The following FRMD6 variants were observed in gnomAD, a reference collection of about 807,000 sequenced individuals.
The protein encoded by FRMD6 is FERM domain containing 6.
FRMD6 carries 37 observed loss-of-function variants against 73.2 expected under a neutral mutation model. That is an observed-to-expected ratio of 0.51 (90% CI 0.39 to 0.66). The LOEUF (loss-of-function observed/expected upper bound fraction) is 0.66. FRMD6 is among the 30% of genes least tolerant of loss of function. The pLI is 0.00. For missense variants in FRMD6, 714 were observed against 780.5 expected (o/e 0.91, Z 1.02); for synonymous variants, 273 against 282.2 (o/e 0.97, Z 0.33).
chr14:51,588,915 G>A (rs558974474), intron 2 of FRMD6, among the ~76,000 whole-genome samples: 55 of 152,202 alleles, frequency 3.6e-4, no homozygotes, highest in Admixed American at 7.2e-4. Flanking sequence ...CACGGCTGAT[G>A]CCATGTCACT....
the FRMD6 span, among the ~76,000 whole-genome samples, chr14:51,444,994 C>G: frequency 6.6e-6 from 1 of 152,208 alleles, no homozygotes; most frequent in African/African-American, 2.4e-5. Context: ...TGAAATGCCT[C>G]AGGAGCCTGG....
chr14:51,540,664 C>G (rs532697392), intron 1 of FRMD6, among the ~76,000 whole-genome samples: 1 of 152,118 alleles, frequency 6.6e-6, no homozygotes, highest in East Asian at 1.9e-4. Flanking sequence ...GAGGCTCATC[C>G]TTTTTATCTT....
At chr14:51,444,813 A>G in the FRMD6 span, among the ~76,000 whole-genome samples, 18 of 152,164 alleles carry the variant, frequency 1.2e-4, no homozygotes, top group African/African-American at 3.6e-4. Flanking sequence ...TGTGCTTGAG[A>G]GCTCCTTGTT....
intron 2 of FRMD6, among the ~76,000 whole-genome samples, chr14:51,574,960 T>C (rs1413587029): frequency 6.6e-6 from 1 of 152,210 alleles, no homozygotes; most frequent in Admixed American, 6.5e-5. Context: ...ACACATAGTA[T>C]GTACCCATAA....
intron 1 of FRMD6, among the ~76,000 whole-genome samples, chr14:51,509,816 G>A (rs913587351): frequency 6.6e-6 from 1 of 151,938 alleles, no homozygotes; most frequent in African/African-American, 2.4e-5. Context: ...GGTAGAGATG[G>A]GATTTTGCCA....
At chr14:51,553,333 A>C (rs1338804528) in intron 1 of FRMD6, among the ~76,000 whole-genome samples, 1 of 152,216 alleles carries the variant, frequency 6.6e-6, no homozygotes, top group Middle Eastern at 3.2e-3. Flanking sequence ...ACATAGCTTT[A>C]ATCAGACAGG....
At chr14:51,478,287 A>G in the FRMD6 span, among the ~76,000 whole-genome samples, 1 of 152,244 alleles carries the variant, frequency 6.6e-6, no homozygotes, top group Admixed American at 6.5e-5. Context: ...GGAAAGATAC[A>G]AGATATATTA....
At chr14:51,587,408 C>A (rs1167882674) in intron 2 of FRMD6, among the ~76,000 whole-genome samples, 1 of 152,164 alleles carries the variant, frequency 6.6e-6, no homozygotes, top group Non-Finnish European at 1.5e-5. Flanking sequence ...CTCTTTATGC[C>A]AAGTTTTATT....
At chr14:51,466,078 T>C in the FRMD6 span, among the ~76,000 whole-genome samples, 2 of 152,236 alleles carry the variant, frequency 1.3e-5, no homozygotes. Flanking sequence ...TCTACATGTT[T>C]ATCAGGCACT....
intron 7 of FRMD6, among the ~76,000 whole-genome samples, chr14:51,708,581 T>C (rs1896764476): frequency 6.6e-6 from 1 of 152,230 alleles, no homozygotes; most frequent in South Asian, 2.1e-4. Flanking sequence ...GCAACTTCTT[T>C]GATAAGTAAT....
chr14:51,727,838 G>C lies in FRMD6; in HGVS notation c.1678G>C (p.Gly560Arg). The C allele has an allele frequency of 6.2e-7, 1 of 1,614,216 alleles. No homozygotes were observed. Among genetic ancestry groups the C allele is most frequent in the Admixed American group, 1.7e-5 (1 of 60,030 alleles). ...CCAGAAAGACTTCCTGCGCATTGCA[G>C]GTCTGTGTCAGGACACTGCTCAGAG... ...LYQKDFLRIA[G>R]LCQDTAQSYT... The change falls in exon 14 of 14, where the codon GGT becomes CGT. Residue 560 changes from glycine (G) to arginine (R), a missense_variant. Physicochemically the swap from Gly to Arg is moderately radical, Grantham distance 125. Coordinates refer to ENST00000344768, the MANE Select transcript of FRMD6 (RefSeq NM_001267046.2).
At chr14:51,444,494 G>C in the FRMD6 span, among the ~76,000 whole-genome samples, 1 of 152,174 alleles carries the variant, frequency 6.6e-6, no homozygotes, top group Admixed American at 6.5e-5. Context: ...AGTCTGTAAC[G>C]AATCCATTGT....
the FRMD6 span, among the ~76,000 whole-genome samples, chr14:51,420,549 A>C: frequency 6.6e-6 from 1 of 152,224 alleles, no homozygotes; most frequent in Admixed American, 6.5e-5. Flanking sequence ...TGAGTTCCTC[A>C]TCCATGGATT....
chr14:51,411,965 T>C, the FRMD6 span, among the ~76,000 whole-genome samples: 72 of 152,328 alleles, frequency 4.7e-4, no homozygotes, highest in Non-Finnish European at 9.1e-4. Context: ...AAATATATCA[T>C]TGAAATACTA....
intron 1 of FRMD6, among the ~76,000 whole-genome samples, chr14:51,680,764 A>AT (rs11320636): frequency 2.0e-5 from 3 of 151,728 alleles, no homozygotes; most frequent in Non-Finnish European, 4.4e-5. Flanking sequence ...TATTGATGTT[A>AT]TTTTTTTATA....
At chr14:51,494,063 G>A (rs1180299300) in intron 1 of FRMD6, among the ~76,000 whole-genome samples, 1 of 152,096 alleles carries the variant, frequency 6.6e-6, no homozygotes, top group East Asian at 1.9e-4. Context: ...GGATTCATAA[G>A]GATTTCAACC....
upstream of FRMD6, chr14:51,651,749 C>T (rs968806201): frequency 2.1e-5 from 3 of 145,772 alleles, no homozygotes; most frequent in Non-Finnish European, 4.6e-5. Flanking sequence ...GAGCTCAGCG[C>T]GCAGCTCCCG....
intron 1 of FRMD6, among the ~76,000 whole-genome samples, chr14:51,683,186 C>T (rs1457604446): frequency 2.6e-5 from 4 of 152,188 alleles, no homozygotes; most frequent in African/African-American, 7.2e-5. Context: ...CATCTGGCTC[C>T]GAGGCCTAGA....
intron 1 of FRMD6, among the ~76,000 whole-genome samples, chr14:51,535,109 T>C (rs1164553902): frequency 1.3e-5 from 2 of 152,184 alleles, no homozygotes; most frequent in Admixed American, 1.3e-4. Context: ...TATTCAGTCA[T>C]CTTTTGATTG....
Sources: allele counts gnomAD v4.1 joint callset (sites outside exome capture counted in the v4.1 genomes callset), GRCh38; gene constraint gnomAD v4.1.1; transcripts MANE v1.5; gene names NCBI Gene and HGNC (gene_info 2026-07-23, HGNC 2026-07-21).